CKAP2: variants seen among roughly 807,000 people sequenced by gnomAD.
CKAP2 encodes the protein cytoskeleton associated protein 2, also known as cytoskeleton-associated protein 2.
Under a neutral mutation model 58.4 loss-of-function variants are expected in CKAP2, and 46 were observed. That is an observed-to-expected ratio of 0.79 (90% CI 0.62 to 1.01). CKAP2 has a LOEUF of 1.01. Among genes scored for constraint, CKAP2 ranks in the 50% least tolerant of loss-of-function variants. The pLI is 0.00. For synonymous variants in CKAP2, 293 were observed against 280.9 expected (o/e 1.04, Z -0.43); for missense variants, 809 against 796.4 (o/e 1.02, Z -0.19).
Position 52,465,303 on chromosome 13 carries a change from A to T in CKAP2, c.1314A>T (p.Pro438=). 1.2e-6 allele frequency: 2 copies of T among 1,600,476 alleles called. No individual in the cohort carries two copies. The highest frequency in any genetic ancestry group is 1.7e-6 in the Non-Finnish European group (2 of 1,176,394). The stretch of plus-strand genomic sequence containing the variant: ...TTTTCTTGCTTTTTTAGGGATGTCC[A>T]AAAGAAGATATACTGGTCACACTGA... The part of the protein sequence containing the change: ...ECLNLINEGC[P]KEDILVTLND... Residue 438 remains proline (P), a synonymous_variant, in exon 6 of 9, where the codon CCA becomes CCT. Coordinates refer to ENST00000258607, the MANE Select transcript of CKAP2 (RefSeq NM_018204.5).
At position 52,475,851 on chromosome 13, in the gene CKAP2, T is replaced by C. The variant is rs1400468332; in HGVS notation, c.*710T>C. Reference sequence around the variant, plus strand: ...CATTTCTAAGAGAAGATACTTTGTGTAAGAAAAGATGCCACATTTAGTGGT... The same window carrying C: ...CATTTCTAAGAGAAGATACTTTGTGCAAGAAAAGATGCCACATTTAGTGGT... On this transcript the variant is annotated 3_prime_UTR_variant, in exon 9 of 9. Transcript: ENST00000258607. The C allele has an allele frequency of 1.3e-5, 2 of 152,236 alleles. No homozygotes were observed. Among genetic ancestry groups the C allele is most frequent in the Non-Finnish European group, 2.9e-5 (2 of 68,046 alleles). 9.4% of individuals were successfully genotyped at this position (152,236 alleles called of 1,614,324 possible).
intron 5 of CKAP2, among the ~76,000 whole-genome samples, chr13:52,462,788 G>C (rs978512926): frequency 1.3e-5 from 2 of 152,130 alleles, no homozygotes; most frequent in African/African-American, 4.8e-5. Context: ...ACTACATTTT[G>C]CATTGAGTTC....
rs1393815673 is a variant in CKAP2 at position 52,461,236 on chromosome 13, A to G, written c.410A>G (p.Gln137Arg). Residue 137 changes from glutamine (Q) to arginine (R), a missense_variant, in exon 4 of 9, where the codon CAA becomes CGA. Around this residue, in one of 3 missense-constraint regions of CKAP2, gnomAD observed 523 missense variants for 492.4 expected, o/e 1.06. Coordinates refer to ENST00000258607, the MANE Select transcript of CKAP2 (RefSeq NM_018204.5). ...PHLLLTEDDP[Q>R]SQHMTLSQAF... ...TTGTTACTAACTGAAGATGATCCCC[A>G]AAGTCAACATATGACATTAAGCCAG... The G allele has an allele frequency of 2.5e-6, 4 of 1,613,962 alleles. No individual in the cohort carries two copies. Among genetic ancestry groups the G allele is most frequent in the Middle Eastern group, 1.6e-4 (1 of 6,062 alleles).
At chr13:52,460,492 T>C (rs1958552972) in intron 2 of CKAP2, among the ~76,000 whole-genome samples, 1 of 151,532 alleles carries the variant, frequency 6.6e-6, no homozygotes, top group African/African-American at 2.4e-5. Context: ...TCACCCAGGC[T>C]GGAGTGCAGT....
chr13:52,464,945 TC>T (rs1958642466), intron 5 of CKAP2, among the ~76,000 whole-genome samples: 1 of 152,222 alleles, frequency 6.6e-6, no homozygotes, highest in African/African-American at 2.4e-5. Flanking sequence ...ATGAACTTTT[TC>T]TGCCCTATTA....
At chr13:52,457,853 CA>C (rs59908446) in intron 2 of CKAP2, among the ~76,000 whole-genome samples, 67,162 of 141,942 alleles carry the variant, frequency 0.47, 16,563 homozygotes, top group Middle Eastern at 0.65. Flanking sequence ...GACTCCGTCT[CA>C]AAAAAAAAAA....
Position 52,474,018 on chromosome 13 carries a change from C to G in CKAP2, c.1736C>G (p.Pro579Arg). Residue 579 changes from proline to arginine, a missense_variant, in exon 8 of 9, where the codon CCC becomes CGC. Physicochemically the swap from Pro to Arg is moderately radical, Grantham distance 103. Around this residue, in one of 3 missense-constraint regions of CKAP2, gnomAD observed 283 missense variants for 287.6 expected, o/e 0.98. Coordinates refer to ENST00000258607, the MANE Select transcript of CKAP2 (RefSeq NM_018204.5). ...TKDPTHDVKT[P>R]NTETRTSCLI... ...GATCCAACCCATGATGTTAAAACCC[C>G]CAATACAGAAACGAGGACAAGTTGC... is the stretch of plus-strand genomic sequence containing the variant. 6.2e-7 allele frequency: 1 copy of G among 1,613,834 alleles called. No homozygotes were observed. The highest frequency in any genetic ancestry group is 1.3e-5 in the African/African-American group (1 of 75,006).
intron 2 of CKAP2, among the ~76,000 whole-genome samples, chr13:52,459,467 C>T (rs1296084985): frequency 6.6e-6 from 1 of 152,084 alleles, no homozygotes; most frequent in African/African-American, 2.4e-5. Flanking sequence ...GGATTACAAG[C>T]ATTTGCCACC....
chr13:52,462,270 A>G, intron 4 of CKAP2, 93 bp from the exon 5 acceptor site: 2 of 1,129,294 alleles, frequency 1.8e-6, no homozygotes, highest in Admixed American at 2.5e-5. Flanking sequence ...TTAAAGTAAG[A>G]TTACTTAAAA....
In CKAP2 at chr13:52,455,752, G is replaced by A; in HGVS notation, c.70+126G>A. On this transcript the variant is annotated intron_variant, in intron 1 of 8. Transcript: ENST00000258607. Reference sequence around the variant, plus strand: ...CCCCCGCTCTGTGAGATCCCTGAACGCGGCGTCGGCCTCGCCCTGCCTCAT... The same window carrying A: ...CCCCCGCTCTGTGAGATCCCTGAACACGGCGTCGGCCTCGCCCTGCCTCAT... 3 of 1,128,160 alleles carry A rather than the reference G, an allele frequency of 2.7e-6. No individual in the cohort carries two copies. The East Asian group carries it at 9.8e-5, about 37-fold the overall frequency. 69.9% of individuals were successfully genotyped at this position (1,128,160 alleles called of 1,614,324 possible).
intron 2 of CKAP2, among the ~76,000 whole-genome samples, chr13:52,459,003 C>G (rs940028953): frequency 7.2e-5 from 11 of 152,184 alleles, no homozygotes; most frequent in Non-Finnish European, 5.9e-5. Context: ...TATCCTAAGA[C>G]TCATTTCCGA....
intron 7 of CKAP2, among the ~76,000 whole-genome samples, chr13:52,472,461 T>G (rs891455905): frequency 2.0e-5 from 3 of 152,224 alleles, no homozygotes; most frequent in Non-Finnish European, 2.9e-5. Flanking sequence ...AGTAAAAATT[T>G]TTAATAATTT....
intron 4 of CKAP2, 102 bp downstream of exon 4, chr13:52,462,028 G>A (rs9536083): frequency 0.044 from 51,294 of 1,157,824 alleles, 1,332 homozygotes; most frequent in Middle Eastern, 0.064. Flanking sequence ...TTCTTTCATG[G>A]TTTCTCTTCT....
intron 6 of CKAP2, chr13:52,465,864 G>A: frequency 2.7e-6 from 1 of 365,122 alleles, no homozygotes; most frequent in South Asian, 2.2e-5. Context: ...TTGGTTTTGT[G>A]TGAGAACTCT....
At position 52,465,653 on chromosome 13, in the gene CKAP2, T is replaced by C. The variant is rs1177180953; in HGVS notation, c.1476+188T>C. On this transcript the variant is annotated intron_variant, in intron 6 of 8. Transcript: ENST00000258607. ...CTTTCTAAGTCTTTTATTCCTGTAT[T>C]GGGAATAATCAGATTTTAGAAAATG... is the stretch of plus-strand genomic sequence containing the variant. 1.5e-5 allele frequency: 10 copies of C among 658,948 alleles called. No homozygotes were observed. In the East Asian group the frequency reaches 2.8e-4, roughly 19 times the overall value. The allele number at this position is 658,948 out of a possible 1,614,324, so 40.8% of individuals were successfully genotyped here. A position where few individuals can be genotyped will look rare whatever the true frequency, so the allele number is the denominator to read the frequency against.
chr13:52,465,614 A>T lies in CKAP2; in HGVS notation c.1476+149A>T, dbSNP rs1958656202. Reference sequence around the variant, plus strand: ...AAAGGCTGCAAGGATTGCATTATAAAAGCTGTTTGTTGGCTTTCTAAGTCT... The same window carrying T: ...AAAGGCTGCAAGGATTGCATTATAATAGCTGTTTGTTGGCTTTCTAAGTCT... On this transcript the variant is annotated intron_variant, in intron 6 of 8. Transcript: ENST00000258607. 10 of 707,702 alleles carry T rather than the reference A, an allele frequency of 1.4e-5. No individual in the cohort carries two copies. In the South Asian group the frequency reaches 1.6e-4, roughly 12 times the overall value. The allele number at this position is 707,702 out of a possible 1,614,324, so 43.8% of individuals were successfully genotyped here.
intron 5 of CKAP2, among the ~76,000 whole-genome samples, chr13:52,463,199 A>G (rs949714225): frequency 1.3e-5 from 2 of 152,184 alleles, no homozygotes; most frequent in African/African-American, 2.4e-5. Context: ...CGGCCTCCCA[A>G]AGTGCTGGGA....
At chr13:52,474,172 T>G in intron 8 of CKAP2, 88 bp downstream of exon 8, 1 of 1,273,586 alleles carries the variant, frequency 7.9e-7, no homozygotes, top group Non-Finnish European at 1.1e-6. Context: ...AGCTTCAGAT[T>G]ACAGCTACCA....
intron 7 of CKAP2, 158 bp from the exon 8 acceptor site, chr13:52,473,671 G>T: frequency 1.7e-6 from 1 of 583,218 alleles, no homozygotes; most frequent in Non-Finnish European, 3.0e-6. Flanking sequence ...TTGTTATATA[G>T]TTGGCAGCAG....
Sources: allele counts gnomAD v4.1 joint callset (sites outside exome capture counted in the v4.1 genomes callset), GRCh38; gene constraint gnomAD v4.1.1; regional missense constraint gnomAD v4.1.1; transcripts MANE v1.5; gene names NCBI Gene and HGNC (gene_info 2026-07-23, HGNC 2026-07-21).